Variants in RFTN1 observed in about 807,000 individuals in gnomAD.
RFTN1 encodes raftlin, lipid raft linker 1.
In RFTN1, 26 loss-of-function variants were observed where a neutral mutation model predicts 46.5. That is an observed-to-expected ratio of 0.56 (90% confidence interval 0.41 to 0.78). The LOEUF is 0.78. Among genes scored for constraint, RFTN1 ranks in the 30% least tolerant of loss-of-function variants. The probability of loss-of-function intolerance (pLI) is 0.00; values close to 1 mark genes in which losing one functional copy is unlikely to be tolerated. For missense variants in RFTN1, 693 were observed against 718.7 expected (o/e 0.96, Z 0.41); for synonymous variants, 261 against 284.2 (o/e 0.92, Z 0.82).
rs963549009 is a variant in RFTN1, at chr3:16,320,068, A to C, written c.1333-2836T>G. ...AATAACTGTCTAAAAGAAAAAAAGA[A>C]ATCCTTCACTTTACAGCAGTGTGTG... On this transcript the variant is annotated intron_variant, in intron 9 of 9. Coordinates refer to ENST00000334133, the MANE Select transcript of RFTN1 (RefSeq NM_015150.2). The surrounding 1 kb of genome is among the most constrained non-coding windows in gnomAD (Gnocchi z 4.5). Among the ~76,000 whole-genome samples, 1 of 152,232 alleles carries C rather than the reference A, an allele frequency of 6.6e-6. No individual in the cohort carries two copies. The highest frequency in any genetic ancestry group is 1.5e-5 in the Non-Finnish European group (1 of 68,040).
rs1375788685 is a variant in RFTN1, at chr3:16,380,559, C to G, written c.442-2457G>C. On this transcript the variant is annotated intron_variant, in intron 4 of 9. Transcript: ENST00000334133. This position sits in a 1 kb window ranked among gnomAD's most constrained non-coding sequence, Gnocchi z 4.8. ...CCATCTTGTACTGCAAATTTATCCT[C>G]TAGGCCAGGGGTTCTCAAAGTGTGG... Among the ~76,000 whole-genome samples the G allele has an allele frequency of 2.0e-5, 3 of 152,220 alleles. No individual in the cohort carries two copies. Among genetic ancestry groups the G allele is most frequent in the African/African-American group, 7.2e-5 (3 of 41,450 alleles).
At chr3:16,403,246 T>C (rs893556843) in intron 4 of RFTN1, among the ~76,000 whole-genome samples, 1 of 152,108 alleles carries the variant, frequency 6.6e-6, no homozygotes, top group African/African-American at 2.4e-5. Context: ...AGAGGTAGCA[T>C]GGCCAAGTGC....
At chr3:16,462,957 T>C (rs1286080634) in intron 2 of RFTN1, among the ~76,000 whole-genome samples, 1 of 152,110 alleles carries the variant, frequency 6.6e-6, no homozygotes, top group Non-Finnish European at 1.5e-5. Context: ...CAAGAGACAA[T>C]GAGCAAAGAG....
rs2076824700 is a variant in RFTN1, at chr3:16,507,426, G to A, written c.-9+6016C>T. Among the ~76,000 whole-genome samples, 1 of 152,080 alleles carries A rather than the reference G, an allele frequency of 6.6e-6. No homozygotes were observed. Among genetic ancestry groups the A allele is most frequent in the South Asian group, 2.1e-4 (1 of 4,818 alleles). ...ATATTTCCAAAATTTGCTAATACAT[G>A]ATATGATCAGGTTCCATTAACCAGA... On this transcript the variant is annotated intron_variant, in intron 1 of 9. Coordinates refer to ENST00000334133, the MANE Select transcript of RFTN1 (RefSeq NM_015150.2). This position sits in a 1 kb window ranked among gnomAD's most constrained non-coding sequence, Gnocchi z 7.1.
rs529763586 is a variant in RFTN1 at position 16,406,414 on chromosome 3, C to T, written c.441+2961G>A. On this transcript the variant is annotated intron_variant, in intron 4 of 9. Transcript: ENST00000334133. ...GCGGGGGCAAACGGTGGGGCAACCT[C>T]AACACACCTGGCTCCTCCAAGGCAG... 1.1e-4 allele frequency among the ~76,000 whole-genome samples: 17 copies of T among 152,242 alleles called. No homozygotes were observed. In the East Asian group the frequency reaches 3.3e-3, roughly 29 times the overall value.
chr3:16,508,263 C>T (rs552875592), intron 1 of RFTN1, among the ~76,000 whole-genome samples: 13 of 152,316 alleles, frequency 8.5e-5, no homozygotes, highest in Middle Eastern at 3.4e-3. Context: ...TGCCAGCCTT[C>T]TCCATCAATC....
Position 16,337,669 on chromosome 3 carries a change from G to A in RFTN1, c.1147-10793C>T, listed in dbSNP as rs1366679626. Reference sequence around the variant, plus strand: ...AGGCAGGAGAATCGCTTGAACCCAGGAGGCGGAGGTTGCAGTGAGCCCAGA... The same window carrying A: ...AGGCAGGAGAATCGCTTGAACCCAGAAGGCGGAGGTTGCAGTGAGCCCAGA... On this transcript the variant is annotated intron_variant, in intron 7 of 9. Transcript: ENST00000334133. The surrounding 1 kb of genome is among the most constrained non-coding windows in gnomAD (Gnocchi z 5.0). Among the ~76,000 whole-genome samples, 1 of 150,888 alleles carries A rather than the reference G, an allele frequency of 6.6e-6. No individual in the cohort carries two copies. Among genetic ancestry groups the A allele is most frequent in the Non-Finnish European group, 1.5e-5 (1 of 67,918 alleles).
intron 2 of RFTN1, among the ~76,000 whole-genome samples, chr3:16,439,146 A>T (rs1037524428): frequency 2.0e-5 from 3 of 152,056 alleles, no homozygotes; most frequent in Admixed American, 1.3e-4. Flanking sequence ...TTAAAGCAAT[A>T]AAAAAAGGCT....
intron 7 of RFTN1, chr3:16,349,868 C>G (rs2071974985): frequency 6.6e-6 from 1 of 152,094 alleles, no homozygotes; most frequent in Non-Finnish European, 1.5e-5. Flanking sequence ...GGTAGCCCAG[C>G]AGGCTGGATA....
Position 16,450,003 on chromosome 3 carries a change from G to T in RFTN1, c.146-15966C>A, listed in dbSNP as rs114569600. ...CGCAGCAGGGGAAAGAGGTGGAATT[G>T]CGGCAGGAATACATTAAGGACATAG... On this transcript the variant is annotated intron_variant, in intron 2 of 9. Transcript: ENST00000334133. This position sits in a 1 kb window ranked among gnomAD's most constrained non-coding sequence, Gnocchi z 4.6. Among the ~76,000 whole-genome samples, 1,185 of 152,276 alleles carry T rather than the reference G, an allele frequency of 7.8e-3. 18 individuals carry two copies. The highest frequency in any genetic ancestry group is 0.027 in the African/African-American group (1,123 of 41,554).
intron 1 of RFTN1, among the ~76,000 whole-genome samples, chr3:16,511,810 T>C (rs900045272): frequency 2.0e-5 from 3 of 152,042 alleles, no homozygotes; most frequent in African/African-American, 7.3e-5. Context: ...TGACTTGTAT[T>C]CCCAATTTAT....
rs571025204 is a variant in RFTN1 at position 16,446,840 on chromosome 3, G to T, written c.146-12803C>A. 7.9e-4 allele frequency among the ~76,000 whole-genome samples: 121 copies of T among 152,248 alleles called. 4 individuals are homozygous for T. In the South Asian group the frequency reaches 0.021, roughly 26 times the overall value. ...TTTCTCCTGAGTTATTATCATCAAG[G>T]TCTCGACTCTGTAACAAAATTTCAC... On this transcript the variant is annotated intron_variant, in intron 2 of 9. Transcript: ENST00000334133. This position sits in a 1 kb window ranked among gnomAD's most constrained non-coding sequence, Gnocchi z 4.5.
rs2076758400 is a variant in RFTN1 at position 16,504,010 on chromosome 3, G to T, written c.-9+9432C>A. 6.6e-6 allele frequency among the ~76,000 whole-genome samples: 1 copy of T among 152,086 alleles called. No individual in the cohort carries two copies. The highest frequency in any genetic ancestry group is 1.5e-5 in the Non-Finnish European group (1 of 68,028). Reference sequence around the variant, plus strand: ...TCTCCCTATCTTTCTATCCCTGCGTGTACTCTTTTACAATCTATATATAAC... The same window carrying T: ...TCTCCCTATCTTTCTATCCCTGCGTTTACTCTTTTACAATCTATATATAAC... On this transcript the variant is annotated intron_variant, in intron 1 of 9. Coordinates refer to ENST00000334133, the MANE Select transcript of RFTN1 (RefSeq NM_015150.2). The surrounding 1 kb of genome is among the most constrained non-coding windows in gnomAD (Gnocchi z 4.4).
At position 16,317,357 on chromosome 3, in the gene RFTN1, A is replaced by G; in HGVS notation, c.1333-125T>C. On this transcript the variant is annotated intron_variant, in intron 9 of 9. Coordinates refer to ENST00000334133, the MANE Select transcript of RFTN1 (RefSeq NM_015150.2). This position sits in a 1 kb window ranked among gnomAD's most constrained non-coding sequence, Gnocchi z 4.3. ...AGACATACAATTCCCAGCATCCCCCAGCCAGGCAGTACAGGCACCAAACTT... is the reference window on the plus strand; with the variant it reads ...AGACATACAATTCCCAGCATCCCCCGGCCAGGCAGTACAGGCACCAAACTT... The G allele has an allele frequency of 9.8e-7, 1 of 1,023,882 alleles. No homozygotes were observed. Among genetic ancestry groups the G allele is most frequent in the Non-Finnish European group, 1.4e-6 (1 of 701,380 alleles). The allele number at this position is 1,023,882 out of a possible 1,614,324, so 63.4% of individuals were successfully genotyped here. A position where few individuals can be genotyped will look rare whatever the true frequency, so the allele number is the denominator to read the frequency against.
intron 2 of RFTN1, chr3:16,454,929 G>C (rs960868551): frequency 5.8e-5 from 16 of 273,618 alleles, no homozygotes; most frequent in African/African-American, 3.7e-4. Flanking sequence ...AAAAACAAAG[G>C]ATAGAGCAAA....
Position 16,428,961 on chromosome 3 carries a change from T to C in RFTN1, c.332+4890A>G, listed in dbSNP as rs2075335562. On this transcript the variant is annotated intron_variant, in intron 3 of 9. Coordinates refer to ENST00000334133, the MANE Select transcript of RFTN1 (RefSeq NM_015150.2). The surrounding 1 kb of genome is among the most constrained non-coding windows in gnomAD (Gnocchi z 4.7). ...ATTCAGAGTGAGTGCAACTATATTGTCTATTAAAAATCACTAAGTGTTCCA... is the reference window on the plus strand; with the variant it reads ...ATTCAGAGTGAGTGCAACTATATTGCCTATTAAAAATCACTAAGTGTTCCA... Among the ~76,000 whole-genome samples, 1 of 152,242 alleles carries C rather than the reference T, an allele frequency of 6.6e-6. No homozygotes were observed. The highest frequency in any genetic ancestry group is 2.1e-4 in the South Asian group (1 of 4,832).
rs1459285204 is a variant in RFTN1 at position 16,451,622 on chromosome 3, G to A, written c.146-17585C>T. ...TGCCAATCAGAGCACATTTCTCTTC[G>A]TGTCTTCCACCTAAAAATTTAATGC... is the stretch of plus-strand genomic sequence containing the variant. On this transcript the variant is annotated intron_variant, in intron 2 of 9. Transcript: ENST00000334133. The surrounding 1 kb of genome is among the most constrained non-coding windows in gnomAD (Gnocchi z 4.2). Among the ~76,000 whole-genome samples, 3 of 152,098 alleles carry A rather than the reference G, an allele frequency of 2.0e-5. No individual in the cohort carries two copies. Among genetic ancestry groups the A allele is most frequent in the East Asian group, 1.9e-4 (1 of 5,184 alleles).
rs955678889 is a variant in RFTN1, at chr3:16,413,518, A to C, written c.333-4035T>G. On this transcript the variant is annotated intron_variant, in intron 3 of 9. Transcript: ENST00000334133. The surrounding 1 kb of genome is among the most constrained non-coding windows in gnomAD (Gnocchi z 4.7). ...TGTCATTGTATCATCCTGGAAAAGA[A>C]TATGGGAAACCACCAAACTTCCCCT... Among the ~76,000 whole-genome samples the C allele has an allele frequency of 2.6e-5, 4 of 152,254 alleles. No individual in the cohort carries two copies. The highest frequency in any genetic ancestry group is 9.6e-5 in the African/African-American group (4 of 41,470).
chr3:16,384,349 G>A lies in RFTN1; in HGVS notation c.442-6247C>T, dbSNP rs975333528. On this transcript the variant is annotated intron_variant, in intron 4 of 9. Transcript: ENST00000334133. The surrounding 1 kb of genome is among the most constrained non-coding windows in gnomAD (Gnocchi z 4.7). ...GATAGCACAGGGCAAGTTGATGGAG[G>A]TCTCTAAATCTAAACCTGACTAGGC... 2.0e-5 allele frequency among the ~76,000 whole-genome samples: 3 copies of A among 152,204 alleles called. No homozygotes were observed. The highest frequency in any genetic ancestry group is 1.3e-4 in the Admixed American group (2 of 15,288).
Sources: allele counts gnomAD v4.1 joint callset (sites outside exome capture counted in the v4.1 genomes callset), GRCh38; gene constraint gnomAD v4.1.1; non-coding constraint Gnocchi (gnomAD v3.1); transcripts MANE v1.5; gene names NCBI Gene and HGNC (gene_info 2026-07-23, HGNC 2026-07-21).